NRXN1: variants seen among roughly 807,000 people sequenced by gnomAD.
The protein encoded by NRXN1 is neurexin-1.
A neutral mutation model predicts 150.9 loss-of-function variants in NRXN1; 39 were observed. The ratio of observed to expected loss-of-function variants is 0.26; its 90% confidence interval spans 0.20 to 0.34. NRXN1 has a LOEUF of 0.34. NRXN1 is among the 10% of genes least tolerant of loss of function. The pLI, the probability that NRXN1 is intolerant of heterozygous loss-of-function variation, is 1.00. For missense variants in NRXN1, 1,815 were observed against 1,949.9 expected, an observed-to-expected ratio of 0.93 and a Z score of 1.30; for synonymous variants, 924 against 757.0, an observed-to-expected ratio of 1.22 and a Z score of -3.62.
chr2:50,767,139 G>C (rs1423399861), intron 5 of NRXN1, among the ~76,000 whole-genome samples: 2 of 152,046 alleles, frequency 1.3e-5, no homozygotes, highest in African/African-American at 4.8e-5. Flanking sequence ...TCAAATTTGA[G>C]AGACAGCTCA....
At chr2:50,243,269 C>A (rs1433591613) in intron 17 of NRXN1, among the ~76,000 whole-genome samples, 4 of 151,432 alleles carry the variant, frequency 2.6e-5, no homozygotes, top group Non-Finnish European at 5.9e-5. Context: ...ATTAAAACAT[C>A]ACTATAAGTG....
intron 17 of NRXN1, among the ~76,000 whole-genome samples, chr2:50,438,252 G>A (rs2085624382): frequency 6.6e-6 from 1 of 152,162 alleles, no homozygotes; most frequent in Non-Finnish European, 1.5e-5. Flanking sequence ...CAAGAACCCT[G>A]AGTTTTTGTG....
chr2:50,068,131 G>A (rs986944365), intron 19 of NRXN1, among the ~76,000 whole-genome samples: 6 of 152,088 alleles, frequency 3.9e-5, no homozygotes, highest in African/African-American at 1.4e-4. Context: ...ATTTTCAATG[G>A]ACTTCAATCT....
At chr2:50,277,189 A>G (rs2070603951) in intron 17 of NRXN1, among the ~76,000 whole-genome samples, 1 of 152,254 alleles carries the variant, frequency 6.6e-6, no homozygotes, top group Admixed American at 6.5e-5. Flanking sequence ...GAAGATACAA[A>G]TAACTCAGGA....
chr2:50,872,660 T>C (rs1027917832), intron 5 of NRXN1, among the ~76,000 whole-genome samples: 1 of 151,678 alleles, frequency 6.6e-6, no homozygotes, highest in Non-Finnish European at 1.5e-5. Flanking sequence ...TTGTTACACC[T>C]GAAAATCTCA....
At chr2:50,080,930 A>C (rs1697865928) in intron 19 of NRXN1, among the ~76,000 whole-genome samples, 2 of 152,172 alleles carry the variant, frequency 1.3e-5, no homozygotes. Context: ...TTTTTCCTCT[A>C]ATATCTCAAT....
chr2:50,494,474 G>C (rs952027195), intron 15 of NRXN1, among the ~76,000 whole-genome samples: 1 of 152,150 alleles, frequency 6.6e-6, no homozygotes, highest in Non-Finnish European at 1.5e-5. Flanking sequence ...AGGGAATAAA[G>C]AGAAAGAGGT....
intron 2 of NRXN1, among the ~76,000 whole-genome samples, chr2:50,958,444 T>A (rs1440185039): frequency 6.6e-6 from 1 of 152,068 alleles, no homozygotes; most frequent in East Asian, 1.9e-4. Flanking sequence ...TAGGAACATG[T>A]CTTTACAAAA....
At chr2:50,083,364 T>A (rs957715768) in intron 19 of NRXN1, among the ~76,000 whole-genome samples, 1 of 152,150 alleles carries the variant, frequency 6.6e-6, no homozygotes, top group African/African-American at 2.4e-5. Context: ...CCAAAACCCA[T>A]CAAACCATCA....
intron 5 of NRXN1, among the ~76,000 whole-genome samples, chr2:50,707,491 G>A (rs536149883): frequency 3.3e-5 from 5 of 152,260 alleles, no homozygotes; most frequent in East Asian, 1.9e-4. Flanking sequence ...TCTGGCAGAC[G>A]TTATCTTGTA....
rs1254451543 is a variant in NRXN1, at chr2:50,802,500, T to TGAAAGGAAGGAAGGAA, written c.832+119368_832+119369insTTCCTTCCTTCCTTTC. Among the ~76,000 whole-genome samples, 147 of 88,368 alleles carry TGAAAGGAAGGAAGGAA rather than the reference T, an allele frequency of 1.7e-3. 21 individuals are homozygous for TGAAAGGAAGGAAGGAA. The highest frequency in any genetic ancestry group is 4.1e-3 in the African/African-American group (98 of 23,700). 58.0% of individuals were successfully genotyped at this position (88,368 alleles called of 152,430 possible). On this transcript the variant is annotated intron_variant, in intron 5 of 22. Coordinates refer to ENST00000401669, the MANE Select transcript of NRXN1 (RefSeq NM_001330078.2). ...AGAGTGAATCTCTGAGAAAGAGAAA[T>TGAAAGGAAGGAAGGAA]GGAAGGAAGGAAGGAAGGAAGGAAG...
At chr2:50,033,998 G>T (rs1689610268) in intron 21 of NRXN1, among the ~76,000 whole-genome samples, 2 of 151,096 alleles carry the variant, frequency 1.3e-5, no homozygotes, top group Non-Finnish European at 2.9e-5. Context: ...AACAGCAGGT[G>T]CTGGTGAGGT....
chr2:50,959,339 A>G (rs1030753461), intron 2 of NRXN1, among the ~76,000 whole-genome samples: 2 of 152,146 alleles, frequency 1.3e-5, no homozygotes, highest in Admixed American at 6.6e-5. Context: ...TAACAGGTAA[A>G]ATATGGAAAC....
At chr2:50,648,452 C>T (rs1369146170) in intron 5 of NRXN1, among the ~76,000 whole-genome samples, 1 of 151,982 alleles carries the variant, frequency 6.6e-6, no homozygotes, top group East Asian at 1.9e-4. Flanking sequence ...AAATGGAATT[C>T]ACTTTAACTA....
intron 5 of NRXN1, among the ~76,000 whole-genome samples, chr2:50,825,494 A>G (rs956989025): frequency 6.6e-6 from 1 of 152,198 alleles, no homozygotes; most frequent in African/African-American, 2.4e-5. Context: ...TATGTAATGA[A>G]GCTTCCATAA....
intron 8 of NRXN1, among the ~76,000 whole-genome samples, chr2:50,594,622 T>C (rs1225016373): frequency 2.0e-5 from 3 of 152,144 alleles, no homozygotes; most frequent in Non-Finnish European, 4.4e-5. Context: ...GACTAAGAAA[T>C]GTCTCTTTCT....
At chr2:50,710,762 G>C (rs1215133291) in intron 5 of NRXN1, among the ~76,000 whole-genome samples, 1 of 152,166 alleles carries the variant, frequency 6.6e-6, no homozygotes, top group Non-Finnish European at 1.5e-5. Flanking sequence ...CTAACTTTAA[G>C]TTTGCTTCTC....
intron 18 of NRXN1, among the ~76,000 whole-genome samples, chr2:50,104,870 A>T (rs568685912): frequency 6.6e-6 from 1 of 152,034 alleles, no homozygotes; most frequent in African/African-American, 2.4e-5. Flanking sequence ...AGACACTAAC[A>T]TCCTCATTAT....
At chr2:50,143,425 T>G (rs1316879637) in intron 18 of NRXN1, among the ~76,000 whole-genome samples, 2 of 151,896 alleles carry the variant, frequency 1.3e-5, no homozygotes, top group Non-Finnish European at 2.9e-5. Flanking sequence ...TCGAGGGAAT[T>G]TAGAGACACT....
Sources: gnomAD v4.1 joint callset for allele counts (sites outside exome capture counted in the v4.1 genomes callset) on GRCh38, gnomAD v4.1.1 for gene constraint, MANE v1.5 for transcripts, NCBI Gene and HGNC (gene_info 2026-07-23, HGNC 2026-07-21) for gene names.